Variants in SUGCT observed in about 807,000 individuals in gnomAD.
SUGCT encodes the protein succinyl-CoA:glutarate CoA-transferase.
In SUGCT, 41 loss-of-function variants were observed where a neutral mutation model predicts 55.0. That is an observed-to-expected ratio of 0.74 (90% CI 0.58 to 0.97). The LOEUF (loss-of-function observed/expected upper bound fraction) is 0.97. SUGCT is among the 50% of genes least tolerant of loss of function. SUGCT has a pLI of 0.00. For synonymous variants in SUGCT, 187 were observed against 200.4 expected, an observed-to-expected ratio of 0.93 and a Z score of 0.56; for missense variants, 568 against 547.8, an observed-to-expected ratio of 1.04 and a Z score of -0.37.
chr7:40,937,873 C>T, the SUGCT span, among the ~76,000 whole-genome samples: 80 of 152,280 alleles, frequency 5.3e-4, no homozygotes, highest in South Asian at 1.2e-3. Flanking sequence ...AATTTTTCCA[C>T]AGGCAGGAGC....
intron 12 of SUGCT, among the ~76,000 whole-genome samples, chr7:40,690,622 C>T (rs958555011): frequency 6.6e-6 from 1 of 152,000 alleles, no homozygotes; most frequent in Admixed American, 6.6e-5. Flanking sequence ...GGCTGTAGTG[C>T]AGTGGCTGGA....
intron 13 of SUGCT, among the ~76,000 whole-genome samples, chr7:40,774,922 T>C (rs1789375872): frequency 6.6e-6 from 1 of 152,188 alleles, no homozygotes; most frequent in Admixed American, 6.5e-5. Flanking sequence ...TTCACATCTT[T>C]TTAATTGTGA....
chr7:40,670,721 A>G (rs6958129), intron 12 of SUGCT, among the ~76,000 whole-genome samples: 39,099 of 151,994 alleles, frequency 0.26, 5,224 homozygotes, highest in Middle Eastern at 0.35. Flanking sequence ...CAACTCACTC[A>G]ATATTAAACA....
chr7:40,509,561 A>G (rs1222392597), intron 12 of SUGCT, among the ~76,000 whole-genome samples: 3 of 152,128 alleles, frequency 2.0e-5, no homozygotes, highest in Non-Finnish European at 2.9e-5. Context: ...CAAATGAACA[A>G]AATAATTTTT....
chr7:40,221,584 G>A (rs1406018608), intron 6 of SUGCT, among the ~76,000 whole-genome samples: 5 of 146,146 alleles, frequency 3.4e-5, no homozygotes, highest in Middle Eastern at 7.3e-3. Context: ...TCCGCCTCCC[G>A]GGTTCAAGTG....
At chr7:40,684,083 C>A (rs770905382) in intron 12 of SUGCT, 62 of 1,612,212 alleles carry the variant, frequency 3.8e-5, no homozygotes, top group Non-Finnish European at 5.1e-5. Context: ...CCAAAGCCTG[C>A]TGCATTCCTT....
chr7:40,361,201 T>A (rs1798135819), intron 9 of SUGCT, among the ~76,000 whole-genome samples: 1 of 152,066 alleles, frequency 6.6e-6, no homozygotes, highest in Admixed American at 6.5e-5. Flanking sequence ...GATCCTTCTG[T>A]ATGAGTTCAG....
chr7:40,517,642 G>T (rs1024982101), intron 12 of SUGCT, among the ~76,000 whole-genome samples: 1 of 152,054 alleles, frequency 6.6e-6, no homozygotes, highest in Non-Finnish European at 1.5e-5. Flanking sequence ...TTTGGGCCTA[G>T]TATTGATGTT....
chr7:40,265,347 G>A (rs1185988919), intron 7 of SUGCT, among the ~76,000 whole-genome samples: 2 of 152,178 alleles, frequency 1.3e-5, no homozygotes, highest in African/African-American at 4.8e-5. Context: ...TCAAATTCAT[G>A]CTTCTTTATT....
intron 6 of SUGCT, among the ~76,000 whole-genome samples, chr7:40,224,309 C>T (rs1049505367): frequency 5.9e-5 from 9 of 151,378 alleles, no homozygotes; most frequent in Admixed American, 1.3e-4. Context: ...ACAAATTTTG[C>T]GATTTATTTT....
intron 13 of SUGCT, among the ~76,000 whole-genome samples, chr7:40,831,949 C>A (rs1792690722): frequency 1.3e-5 from 2 of 152,186 alleles, no homozygotes; most frequent in Admixed American, 1.3e-4. Flanking sequence ...GGACAATAGC[C>A]TATGTTTAGA....
chr7:40,802,129 T>C lies in SUGCT; in HGVS notation c.1153+52632T>C, dbSNP rs113038204. Reference sequence around the variant, plus strand: ...TAAATAAGAGGAAACAGTGAAATTTTGTAGACTATGGAATAGTCTCACTGG... The same window carrying C: ...TAAATAAGAGGAAACAGTGAAATTTCGTAGACTATGGAATAGTCTCACTGG... On this transcript the variant is annotated intron_variant, in intron 13 of 13. Transcript: ENST00000335693. Among the ~76,000 whole-genome samples the C allele has an allele frequency of 5.8e-3, 878 of 152,354 alleles. 8 individuals are homozygous for C. Among genetic ancestry groups the C allele is most frequent in the African/African-American group, 0.02 (820 of 41,584 alleles).
At chr7:40,951,765 G>C in the SUGCT span, among the ~76,000 whole-genome samples, 1 of 152,090 alleles carries the variant, frequency 6.6e-6, no homozygotes, top group Admixed American at 6.6e-5. Flanking sequence ...GAGTGGTTTT[G>C]GGTGAGTTTC....
rs192573900 is a variant in SUGCT, at chr7:40,796,325, A to T, written c.1153+46828A>T. 4.6e-5 allele frequency among the ~76,000 whole-genome samples: 7 copies of T among 152,318 alleles called. No homozygotes were observed. In the East Asian group the frequency reaches 1.4e-3, roughly 29 times the overall value. On this transcript the variant is annotated intron_variant, in intron 13 of 13. Coordinates refer to ENST00000335693, the MANE Select transcript of SUGCT (RefSeq NM_001193313.2). ...GTATTCAAAAGGGATGAGAACACTGATATGGTAAGGAGAGAACTTCTGACT... is the reference window on the plus strand; with the variant it reads ...GTATTCAAAAGGGATGAGAACACTGTTATGGTAAGGAGAGAACTTCTGACT...
At chr7:40,800,693 T>G (rs1368815445) in intron 13 of SUGCT, among the ~76,000 whole-genome samples, 1 of 152,154 alleles carries the variant, frequency 6.6e-6, no homozygotes, top group Non-Finnish European at 1.5e-5. Context: ...GTTGCTTTAT[T>G]TCTTTGTTTT....
chr7:40,773,429 G>GT (rs1028180106), intron 13 of SUGCT, among the ~76,000 whole-genome samples: 4 of 152,112 alleles, frequency 2.6e-5, no homozygotes, highest in African/African-American at 9.6e-5. Context: ...GTGCCCGGCC[G>GT]TATCTTTTTA....
intron 12 of SUGCT, among the ~76,000 whole-genome samples, chr7:40,563,614 C>T (rs972265001): frequency 2.0e-5 from 3 of 151,512 alleles, no homozygotes; most frequent in Non-Finnish European, 4.4e-5. Context: ...CTTGGAAGGC[C>T]GAGGTGGGAG....
chr7:40,786,893 A>T (rs1790042256), intron 13 of SUGCT, among the ~76,000 whole-genome samples: 1 of 152,198 alleles, frequency 6.6e-6, no homozygotes, highest in Admixed American at 6.5e-5. Context: ...TTAATATGAA[A>T]TAGATCAGAT....
chr7:40,693,206 G>A (rs1393379517), intron 12 of SUGCT, among the ~76,000 whole-genome samples: 4 of 152,124 alleles, frequency 2.6e-5, no homozygotes, highest in African/African-American at 7.2e-5. Flanking sequence ...GCTTTAACTC[G>A]TGATAGAAGT....
Sources: gnomAD v4.1 joint callset for allele counts (sites outside exome capture counted in the v4.1 genomes callset) on GRCh38, gnomAD v4.1.1 for gene constraint, MANE v1.5 for transcripts, NCBI Gene and HGNC (gene_info 2026-07-23, HGNC 2026-07-21) for gene names.